Variants in GNB5 observed in about 807,000 individuals in gnomAD.
The protein encoded by GNB5 is G protein subunit beta 5.
GNB5 carries 37 observed loss-of-function variants against 55.3 expected under a neutral mutation model. That is an observed-to-expected ratio of 0.67 (90% confidence interval 0.51 to 0.88). GNB5 has a LOEUF of 0.88. Among genes scored for constraint, GNB5 ranks in the 40% least tolerant of loss-of-function variants. The probability of loss-of-function intolerance (pLI) is 0.00; values close to 1 mark genes in which losing one functional copy is unlikely to be tolerated. For missense variants in GNB5, 476 were observed against 515.3 expected (o/e 0.92, Z 0.74); for synonymous variants, 219 against 198.5 (o/e 1.10, Z -0.87).
Position 52,128,196 on chromosome 15 carries a change from C to T in GNB5, c.912G>A (p.Thr304=), listed in dbSNP as rs769707773. 3.7e-6 allele frequency: 6 copies of T among 1,602,172 alleles called. No homozygotes were observed. The highest frequency in any genetic ancestry group is 1.7e-5 in the Admixed American group (1 of 59,988). ...DAFASGSDDA[T]CRLYDLRADR... ...AGCTCTCAAAAACTTAGAAACATAC[C>T]GTAGCGTCATCTGACCCTGAAGCAA... Residue 304 remains threonine (T), a splice_region_variant and synonymous_variant, in exon 10 of 13, where the codon ACG becomes ACA. Coordinates refer to ENST00000261837, the MANE Select transcript of GNB5 (RefSeq NM_016194.4).
At position 52,133,424 on chromosome 15, in the gene GNB5, A is replaced by G; in HGVS notation, c.817T>C (p.Cys273Arg). The change falls in exon 9 of 13, where the codon TGC becomes CGC. Residue 273 changes from cysteine to arginine, a missense_variant. Cys to Arg is a radical substitution (Grantham distance 180). Transcript: ENST00000261837. Reference sequence around the variant, plus strand: ...TCATGTGTTTCAAAGGCCTGCACGCACTGGCCGGAGCGCATGTCCCACACC... The same window carrying G: ...TCATGTGTTTCAAAGGCCTGCACGCGCTGGCCGGAGCGCATGTCCCACACC... ...AMVWDMRSGQ[C>R]VQAFETHESD... 5.6e-6 allele frequency: 9 copies of G among 1,613,500 alleles called. No homozygotes were observed. Among genetic ancestry groups the G allele is most frequent in the Non-Finnish European group, 6.8e-6 (8 of 1,179,350 alleles).
chr15:52,173,491 T>C (rs1324526075), intron 3 of GNB5, among the ~76,000 whole-genome samples: 2 of 152,144 alleles, frequency 1.3e-5, no homozygotes, highest in African/African-American at 4.8e-5. Context: ...GAAGAGAGAA[T>C]ACAACATGTC....
intron 12 of GNB5, among the ~76,000 whole-genome samples, 182 bp downstream of exon 12, chr15:52,124,291 A>C (rs544992200): frequency 6.6e-6 from 1 of 152,252 alleles, no homozygotes; most frequent in African/African-American, 2.4e-5. Context: ...CTGATGCAGC[A>C]CTCGCTACCT....
intron 2 of GNB5, among the ~76,000 whole-genome samples, chr15:52,182,250 A>C (rs2034782628): frequency 6.6e-6 from 1 of 152,228 alleles, no homozygotes. Flanking sequence ...AATTTAAATG[A>C]GACACTGGGT....
In GNB5 at chr15:52,118,580, G is replaced by C. The variant is rs767639188; in HGVS notation, c.*4177C>G. Reference sequence around the variant, plus strand: ...ATTTGGGGTCCTCAATAACTTTTAAGGGTGTAGGCTGGGCACGGTGGCTTA... The same window carrying C: ...ATTTGGGGTCCTCAATAACTTTTAACGGTGTAGGCTGGGCACGGTGGCTTA... On this transcript the variant is annotated 3_prime_UTR_variant, in exon 13 of 13. Coordinates refer to ENST00000261837, the MANE Select transcript of GNB5 (RefSeq NM_016194.4). The C allele has an allele frequency of 6.6e-6, 1 of 152,104 alleles. No individual in the cohort carries two copies. The highest frequency in any genetic ancestry group is 1.5e-5 in the Non-Finnish European group (1 of 68,036). The allele number at this position is 152,104 out of a possible 1,614,324, so 9.4% of individuals were successfully genotyped here.
At chr15:52,180,444 C>A (rs1011952493) in intron 2 of GNB5, 8 of 152,414 alleles carry the variant, frequency 5.2e-5, no homozygotes, top group African/African-American at 1.9e-4. Flanking sequence ...AAACCCTCTT[C>A]GTTTGTTGAT....
In GNB5 at chr15:52,147,454, C is replaced by T; in HGVS notation, c.494+5G>A. The T allele has an allele frequency of 6.4e-7, 1 of 1,557,432 alleles. No homozygotes were observed. Among genetic ancestry groups the T allele is most frequent in the Non-Finnish European group, 8.9e-7 (1 of 1,128,376 alleles). On this transcript the variant is annotated splice_donor_5th_base_variant and intron_variant, in intron 6 of 12. Transcript: ENST00000261837. The stretch of plus-strand genomic sequence containing the variant: ...TTCTGAAAAGCTGCTGTAGCTCCAA[C>T]TTACCCACAAGCAATGGCACATCCC...
At chr15:52,128,569 G>C in intron 9 of GNB5, 1 of 568,410 alleles carries the variant, frequency 1.8e-6, no homozygotes. Flanking sequence ...TCAGGGATAA[G>C]AAAGTGGTTA....
intron 9 of GNB5, 106 bp from the exon 10 acceptor site, chr15:52,128,350 A>C: frequency 1.3e-6 from 1 of 764,154 alleles, no homozygotes. Context: ...TAGGGACTCA[A>C]GGAACATTTG....
chr15:52,134,661 G>C (rs1354795888), intron 8 of GNB5, among the ~76,000 whole-genome samples: 1 of 152,198 alleles, frequency 6.6e-6, no homozygotes, highest in African/African-American at 2.4e-5. Flanking sequence ...GCTAACTACA[G>C]CTCATACAGC....
rs1340089908 is a variant in GNB5, at chr15:52,119,289, G to A, written c.*3468C>T. On this transcript the variant is annotated 3_prime_UTR_variant, in exon 13 of 13. Transcript: ENST00000261837. ...GATAGGAAGGAGAGAGGAGGCGATG[G>A]GAGGGAGGGAGGAGGTGATGAGAGG... 1 of 100,850 alleles carries A rather than the reference G, an allele frequency of 9.9e-6. No homozygotes were observed. Among genetic ancestry groups the A allele is most frequent in the Non-Finnish European group, 2.0e-5 (1 of 49,254 alleles). 6.2% of individuals were successfully genotyped at this position (100,850 alleles called of 1,614,324 possible). A position where few individuals can be genotyped will look rare whatever the true frequency, so the allele number is the denominator to read the frequency against.
rs985068627 is a variant in GNB5, at chr15:52,153,832, G to C, written c.375+108C>G. On this transcript the variant is annotated intron_variant, in intron 4 of 12. Coordinates refer to ENST00000261837, the MANE Select transcript of GNB5 (RefSeq NM_016194.4). Reference sequence around the variant, plus strand: ...CTAAATCACATCCTTTGGAGAATGAGCAAAGTCACAAAGATCAGAAAAGGG... The same window carrying C: ...CTAAATCACATCCTTTGGAGAATGACCAAAGTCACAAAGATCAGAAAAGGG... 4 of 909,088 alleles carry C rather than the reference G, an allele frequency of 4.4e-6. No homozygotes were observed. The African/African-American group carries it at 5.0e-5, about 11-fold the overall frequency. 56.3% of individuals were successfully genotyped at this position (909,088 alleles called of 1,614,324 possible).
Position 52,115,828 on chromosome 15 carries a change from A to C in GNB5, c.*6929T>G, listed in dbSNP as rs2033133765. On this transcript the variant is annotated 3_prime_UTR_variant, in exon 13 of 13. Coordinates refer to ENST00000261837, the MANE Select transcript of GNB5 (RefSeq NM_016194.4). ...CCCCCGGAGAAACTCAGTGCCCACT[A>C]ACCGTCACTCCTCACCCTAGCCCTA... 6.6e-6 allele frequency: 1 copy of C among 152,234 alleles called. No homozygotes were observed. The highest frequency in any genetic ancestry group is 6.5e-5 in the Admixed American group (1 of 15,272). The allele number at this position is 152,234 out of a possible 1,614,324, so 9.4% of individuals were successfully genotyped here.
At chr15:52,155,407 A>G (rs1054002221) in intron 3 of GNB5, among the ~76,000 whole-genome samples, 3 of 152,180 alleles carry the variant, frequency 2.0e-5, no homozygotes, top group African/African-American at 7.2e-5. Context: ...TTCCTGGGAA[A>G]TCCTTCCTCC....
At chr15:52,128,946 T>TG (rs1457682448) in intron 9 of GNB5, among the ~76,000 whole-genome samples, 1 of 145,750 alleles carries the variant, frequency 6.9e-6, no homozygotes, top group Non-Finnish European at 1.5e-5. Flanking sequence ...CACCTTCCAT[T>TG]GTTTCTCCTT....
chr15:52,115,348 A>G lies in GNB5; in HGVS notation c.*7409T>C, dbSNP rs1212164596. 1 of 152,242 alleles carries G rather than the reference A, an allele frequency of 6.6e-6. No homozygotes were observed. The highest frequency in any genetic ancestry group is 6.5e-5 in the Admixed American group (1 of 15,284). The allele number at this position is 152,242 out of a possible 1,614,324, so 9.4% of individuals were successfully genotyped here. On this transcript the variant is annotated 3_prime_UTR_variant, in exon 13 of 13. Coordinates refer to ENST00000261837, the MANE Select transcript of GNB5 (RefSeq NM_016194.4). Reference sequence around the variant, plus strand: ...AGGCAGTTTGTAATAAGACTCGGTGAAAATCCTGTCTCTGCAACTTGGAAG... The same window carrying G: ...AGGCAGTTTGTAATAAGACTCGGTGGAAATCCTGTCTCTGCAACTTGGAAG...
At chr15:52,153,380 C>A (rs957139657) in intron 4 of GNB5, among the ~76,000 whole-genome samples, 2 of 152,182 alleles carry the variant, frequency 1.3e-5, no homozygotes, top group Non-Finnish European at 2.9e-5. Context: ...ACCACCTGAG[C>A]CCGAACCACC....
intron 9 of GNB5, among the ~76,000 whole-genome samples, chr15:52,129,039 T>G (rs1384425245): frequency 2.1e-5 from 3 of 144,774 alleles, no homozygotes; most frequent in Admixed American, 7.3e-5. Context: ...CACTACAACC[T>G]CCACCTCCTA....
intron 2 of GNB5, among the ~76,000 whole-genome samples, chr15:52,182,295 G>C (rs1180922685): frequency 6.6e-6 from 1 of 152,204 alleles, no homozygotes; most frequent in African/African-American, 2.4e-5. Flanking sequence ...CCATCTCAGG[G>C]GGCCCAGGCA....
Sources: allele counts gnomAD v4.1 joint callset (sites outside exome capture counted in the v4.1 genomes callset), GRCh38; gene constraint gnomAD v4.1.1; transcripts MANE v1.5; gene names NCBI Gene and HGNC (gene_info 2026-07-23, HGNC 2026-07-21).